CRACD: variants seen among roughly 807,000 people sequenced by gnomAD.
CRACD encodes capping protein inhibiting regulator of actin dynamics, also known as capping protein-inhibiting regulator of actin dynamics.
Under a neutral mutation model 106.8 loss-of-function variants are expected in CRACD, and 56 were observed. The observed-to-expected ratio is 0.52, with a 90% CI of 0.42 to 0.66. The LOEUF is 0.66. CRACD is among the 30% of genes least tolerant of loss of function. The probability of loss-of-function intolerance (pLI) is 0.00; values close to 1 mark genes in which losing one functional copy is unlikely to be tolerated. For missense variants in CRACD, 1,730 were observed against 1,623.2 expected (o/e 1.07, Z -1.13); for synonymous variants, 754 against 670.8 (o/e 1.12, Z -1.92).
chr4:56,157,483 T>C (rs574665076), intron 1 of CRACD, among the ~76,000 whole-genome samples: 26 of 152,306 alleles, frequency 1.7e-4, no homozygotes, highest in Admixed American at 1.4e-3. Context: ...GTCTACACTC[T>C]GGAAGATTGA....
Position 56,310,706 on chromosome 4 carries a change from C to T in CRACD, c.326C>T (p.Pro109Leu). 1 of 1,611,370 alleles carries T rather than the reference C, an allele frequency of 6.2e-7. No individual in the cohort carries two copies. The highest frequency in any genetic ancestry group is 8.5e-7 in the Non-Finnish European group (1 of 1,177,520). Residue 109 changes from proline (P) to leucine (L), a missense_variant, in exon 6 of 11, where the codon CCT becomes CTT. Pro to Leu is a moderately conservative substitution (Grantham distance 98). This residue lies in a region of CRACD where 1,620 missense variants were observed against 1,481.6 expected (regional missense o/e 1.09). Coordinates refer to ENST00000682029, the MANE Select transcript of CRACD (RefSeq NM_001393381.1). ...TPSSLSPLNL[P>L]GAGSEMEEKV... ...AGTTCTCTAAGTCCTCTGAATCTCCCTGGAGCTGGAAGTGAGATGGAAGAG... is the reference window on the plus strand; with the variant it reads ...AGTTCTCTAAGTCCTCTGAATCTCCTTGGAGCTGGAAGTGAGATGGAAGAG...
intron 1 of CRACD, among the ~76,000 whole-genome samples, chr4:56,092,695 G>T (rs1263315282): frequency 1.3e-5 from 2 of 151,788 alleles, no homozygotes; most frequent in African/African-American, 2.4e-5. Context: ...TTAAACTCTT[G>T]GGCTCAAGTG....
chr4:56,106,034 T>C (rs1023305888), intron 1 of CRACD, among the ~76,000 whole-genome samples: 2 of 152,100 alleles, frequency 1.3e-5, no homozygotes, highest in Non-Finnish European at 2.9e-5. Context: ...GCTGGGTGTG[T>C]ATCGAAGTTA....
intron 1 of CRACD, among the ~76,000 whole-genome samples, chr4:56,068,304 C>T (rs983729234): frequency 6.6e-6 from 1 of 152,200 alleles, no homozygotes; most frequent in African/African-American, 2.4e-5. Flanking sequence ...CCAAGCCTGC[C>T]TGCCAGATCT....
intron 1 of CRACD, among the ~76,000 whole-genome samples, chr4:56,142,538 C>T (rs1435843783): frequency 6.6e-6 from 1 of 152,098 alleles, no homozygotes; most frequent in Non-Finnish European, 1.5e-5. Flanking sequence ...GTGTTATAGG[C>T]TATGTGAAAT....
chr4:56,091,047 C>T (rs1047948119), intron 1 of CRACD, among the ~76,000 whole-genome samples: 9 of 151,860 alleles, frequency 5.9e-5, no homozygotes, highest in African/African-American at 2.2e-4. Context: ...TCTTTTCTTT[C>T]TTTTTTATTT....
chr4:56,224,084 A>G (rs1739179336), intron 2 of CRACD, among the ~76,000 whole-genome samples: 1 of 152,154 alleles, frequency 6.6e-6, no homozygotes, highest in African/African-American at 2.4e-5. Flanking sequence ...TCTGTAAAAC[A>G]TCTTAATATT....
intron 1 of CRACD, among the ~76,000 whole-genome samples, chr4:56,171,350 G>C (rs114184876): frequency 0.038 from 5,813 of 152,176 alleles, 143 homozygotes; most frequent in Middle Eastern, 0.058. Flanking sequence ...AGGAGCAAAA[G>C]AGTATGTAAA....
At chr4:56,062,171 C>T (rs1056968868) in intron 1 of CRACD, among the ~76,000 whole-genome samples, 3 of 152,112 alleles carry the variant, frequency 2.0e-5, no homozygotes, top group African/African-American at 7.2e-5. Context: ...GGCAGTTGTT[C>T]AATGTATCAA....
intron 1 of CRACD, among the ~76,000 whole-genome samples, chr4:56,065,633 C>A (rs1007950226): frequency 4.6e-5 from 7 of 152,116 alleles, no homozygotes; most frequent in African/African-American, 7.2e-5. Context: ...TCATGGCCAG[C>A]TGGTTTTTTT....
At chr4:56,304,612 C>T (rs1002522453) in intron 4 of CRACD, among the ~76,000 whole-genome samples, 1 of 151,894 alleles carries the variant, frequency 6.6e-6, no homozygotes, top group Non-Finnish European at 1.5e-5. Context: ...ACCCCACCCA[C>T]CTCTACAAAA....
At chr4:56,237,422 A>C (rs937387591) in intron 2 of CRACD, among the ~76,000 whole-genome samples, 3 of 152,178 alleles carry the variant, frequency 2.0e-5, no homozygotes, top group African/African-American at 7.2e-5. Context: ...AAGTCCTATA[A>C]AAAATTAGTA....
intron 1 of CRACD, among the ~76,000 whole-genome samples, chr4:56,069,452 C>G (rs1732562703): frequency 6.6e-6 from 1 of 152,040 alleles, no homozygotes; most frequent in Non-Finnish European, 1.5e-5. Context: ...GGACCCAGTC[C>G]CGGGACTCTC....
intron 1 of CRACD, among the ~76,000 whole-genome samples, chr4:56,056,006 A>G (rs1732047130): frequency 6.6e-6 from 1 of 152,260 alleles, no homozygotes; most frequent in South Asian, 2.1e-4. Flanking sequence ...GATAGAAGAT[A>G]ACATGGTTAT....
chr4:56,184,597 T>G (rs574290328), intron 2 of CRACD, among the ~76,000 whole-genome samples: 2 of 152,194 alleles, frequency 1.3e-5, no homozygotes. Context: ...TGCAGATAAA[T>G]AGTTGCTGCT....
chr4:56,302,965 C>T (rs1744455224), intron 4 of CRACD, among the ~76,000 whole-genome samples: 1 of 152,160 alleles, frequency 6.6e-6, no homozygotes, highest in African/African-American at 2.4e-5. Context: ...ACAGTAACTC[C>T]ATTCATGGCC....
chr4:56,164,227 C>T (rs1490164830), intron 1 of CRACD, among the ~76,000 whole-genome samples: 1 of 151,730 alleles, frequency 6.6e-6, no homozygotes, highest in Non-Finnish European at 1.5e-5. Context: ...CTCCACCTCC[C>T]AGGTTCACGC....
chr4:56,228,820 G>A (rs1012985099), intron 2 of CRACD, among the ~76,000 whole-genome samples: 4 of 152,240 alleles, frequency 2.6e-5, no homozygotes, highest in African/African-American at 9.6e-5. Context: ...TTAGTGAAAA[G>A]TATATTGTGA....
intron 1 of CRACD, among the ~76,000 whole-genome samples, chr4:56,068,141 G>A (rs1278149028): frequency 6.6e-6 from 1 of 152,148 alleles, no homozygotes; most frequent in Non-Finnish European, 1.5e-5. Context: ...GATGGTGGTG[G>A]TGGTGGCTTT....
Sources: allele counts gnomAD v4.1 joint callset (sites outside exome capture counted in the v4.1 genomes callset), GRCh38; gene constraint gnomAD v4.1.1; regional missense constraint gnomAD v4.1.1; transcripts MANE v1.5; gene names NCBI Gene and HGNC (gene_info 2026-07-23, HGNC 2026-07-21).